Variants in PACRG observed in about 807,000 individuals in gnomAD.
PACRG encodes parkin coregulated gene protein.
In PACRG, 29 loss-of-function variants were observed where a neutral mutation model predicts 29.7. The observed-to-expected ratio is 0.98, with a 90% CI of 0.73 to 1.33. The LOEUF (loss-of-function observed/expected upper bound fraction) is 1.33, where lower values mean the gene tolerates loss of function less well. Ranked by LOEUF, PACRG falls within the 40% of genes most tolerant of loss-of-function variation. PACRG has a pLI of 0.00. For synonymous variants in PACRG, 116 were observed against 118.7 expected, an observed-to-expected ratio of 0.98 and a Z score of 0.15; for missense variants, 279 against 316.2, an observed-to-expected ratio of 0.88 and a Z score of 0.89.
chr6:162,988,537 A>G (rs1187566781), intron 2 of PACRG, among the ~76,000 whole-genome samples: 2 of 152,132 alleles, frequency 1.3e-5, no homozygotes, highest in Non-Finnish European at 2.9e-5. Context: ...TTTGGATAGG[A>G]TCAGCTATGT....
intron 2 of PACRG, among the ~76,000 whole-genome samples, chr6:162,983,427 G>A (rs189837708): frequency 6.6e-6 from 1 of 151,766 alleles, no homozygotes; most frequent in Non-Finnish European, 1.5e-5. Context: ...TGCTTCAGGA[G>A]GTTCTATTTT....
intron 2 of PACRG, among the ~76,000 whole-genome samples, chr6:162,981,979 T>C (rs185162572): frequency 7.6e-4 from 115 of 151,800 alleles, no homozygotes; most frequent in Non-Finnish European, 2.5e-4. Flanking sequence ...TTACTTGTTA[T>C]TGGTCTGTTC....
At chr6:162,865,708 T>C (rs995487504) in intron 2 of PACRG, among the ~76,000 whole-genome samples, 1 of 152,156 alleles carries the variant, frequency 6.6e-6, no homozygotes, top group South Asian at 2.1e-4. Flanking sequence ...CCAGAATAAA[T>C]TTAACTTGCC....
At chr6:163,175,201 G>C (rs147045950) in intron 4 of PACRG, among the ~76,000 whole-genome samples, 438 of 152,238 alleles carry the variant, frequency 2.9e-3, no homozygotes, top group African/African-American at 9.1e-3. Context: ...ACTGCGTTCC[G>C]ATCTGCCCTC....
chr6:162,922,603 A>G (rs1262914790), intron 2 of PACRG, among the ~76,000 whole-genome samples: 3 of 151,082 alleles, frequency 2.0e-5, no homozygotes, highest in African/African-American at 2.4e-5. Context: ...AGTCACCACA[A>G]TTCCACTCTC....
In PACRG at chr6:163,062,319, A is replaced by T; in HGVS notation, c.461A>T (p.Lys154Ile). Residue 154 changes from lysine to isoleucine, a missense_variant and splice_region_variant, in exon 3 of 5, where the codon AAA becomes ATA. By Grantham distance (102) the Lys-to-Ile change is moderately radical. Transcript: ENST00000366888. Reference sequence around the variant, plus strand: ...CTTCCACAGCTCATTATCCCGATAAAAAGTAAGTGAACCGGTGAAAAAGCA... The same window carrying T: ...CTTCCACAGCTCATTATCCCGATAATAAGTAAGTGAACCGGTGAAAAAGCA... ...PVLPQLIIPI[K>I]NALNLRNRQV... 1 of 1,607,638 alleles carries T rather than the reference A, an allele frequency of 6.2e-7. No individual in the cohort carries two copies. The highest frequency in any genetic ancestry group is 8.5e-7 in the Non-Finnish European group (1 of 1,177,868).
chr6:163,273,036 C>T (rs959292228), intron 4 of PACRG, among the ~76,000 whole-genome samples: 2 of 147,026 alleles, frequency 1.4e-5, no homozygotes, highest in Non-Finnish European at 3.0e-5. Context: ...GGACTACAGG[C>T]GCCCGCCACT....
At chr6:163,020,639 C>T (rs1402899081) in intron 2 of PACRG, among the ~76,000 whole-genome samples, 1 of 152,118 alleles carries the variant, frequency 6.6e-6, no homozygotes, top group African/African-American at 2.4e-5. Flanking sequence ...ACACAGCAAT[C>T]TTTCTTAATT....
At chr6:163,250,539 G>T (rs1010443071) in intron 4 of PACRG, among the ~76,000 whole-genome samples, 23 of 152,154 alleles carry the variant, frequency 1.5e-4, no homozygotes, top group African/African-American at 5.1e-4. Flanking sequence ...GGTTTTTCAA[G>T]GTAAACGATC....
chr6:162,929,895 A>G (rs1159055554), intron 2 of PACRG, among the ~76,000 whole-genome samples: 1 of 151,878 alleles, frequency 6.6e-6, no homozygotes, highest in East Asian at 1.9e-4. Flanking sequence ...CTGTAAATGC[A>G]TGGATTTATA....
chr6:162,785,186 GAGAGAGAGAGA>G (rs1784370925), intron 1 of PACRG, among the ~76,000 whole-genome samples: 2 of 151,704 alleles, frequency 1.3e-5, no homozygotes, highest in Non-Finnish European at 2.9e-5. Flanking sequence ...GAGAGAGAGA[GAGAGAGAGAGA>G]GAGAGGGAGA....
chr6:163,062,884 C>G (rs1585124393), intron 3 of PACRG, among the ~76,000 whole-genome samples: 1 of 152,192 alleles, frequency 6.6e-6, no homozygotes, highest in African/African-American at 2.4e-5. Context: ...GCACCTTGCT[C>G]ACAACATTGC....
intron 2 of PACRG, among the ~76,000 whole-genome samples, chr6:163,032,465 G>A (rs1335002798): frequency 6.6e-6 from 1 of 152,100 alleles, no homozygotes; most frequent in African/African-American, 2.4e-5. Flanking sequence ...TAAGACAATT[G>A]TTTGTGGATG....
At chr6:163,134,001 C>G (rs1816836022) in intron 4 of PACRG, among the ~76,000 whole-genome samples, 1 of 152,216 alleles carries the variant, frequency 6.6e-6, no homozygotes, top group African/African-American at 2.4e-5. Flanking sequence ...CTTGCAAGAA[C>G]AGCAGACATG....
At chr6:163,255,465 TGCATGGG>T (rs1783069631) in intron 4 of PACRG, among the ~76,000 whole-genome samples, 1 of 152,072 alleles carries the variant, frequency 6.6e-6, no homozygotes, top group Non-Finnish European at 1.5e-5. Context: ...AGGAGGTCTG[TGCATGGG>T]GCAAGAATAC....
chr6:162,844,942 T>C (rs1388629435), intron 2 of PACRG, among the ~76,000 whole-genome samples: 1 of 152,222 alleles, frequency 6.6e-6, no homozygotes, highest in African/African-American at 2.4e-5. Flanking sequence ...CTCATCCTTG[T>C]GTAAGTAGTT....
intron 4 of PACRG, among the ~76,000 whole-genome samples, chr6:163,281,315 T>C (rs1363259476): frequency 1.3e-5 from 2 of 152,138 alleles, no homozygotes; most frequent in Non-Finnish European, 1.5e-5. Flanking sequence ...ATCATTGCCA[T>C]TGAAGAAGCC....
chr6:162,834,323 A>T (rs1238298359), intron 2 of PACRG, among the ~76,000 whole-genome samples: 2 of 152,138 alleles, frequency 1.3e-5, no homozygotes, highest in African/African-American at 4.8e-5. Context: ...TATCAGGGTA[A>T]AAAGGTGTTT....
intron 2 of PACRG, among the ~76,000 whole-genome samples, chr6:162,911,999 C>A (rs1796334228): frequency 6.6e-6 from 1 of 152,208 alleles, no homozygotes; most frequent in Admixed American, 6.5e-5. Flanking sequence ...CTGCCAAAGT[C>A]CCTCACTGGC....
Sources: allele counts gnomAD v4.1 joint callset (sites outside exome capture counted in the v4.1 genomes callset), GRCh38; gene constraint gnomAD v4.1.1; transcripts MANE v1.5; gene names NCBI Gene and HGNC (gene_info 2026-07-23, HGNC 2026-07-21).